The following CNTNAP2 variants were observed in gnomAD, a reference collection of about 807,000 sequenced individuals.
CNTNAP2 encodes the protein contactin associated protein 2, also known as contactin-associated protein-like 2.
A neutral mutation model predicts 155.2 loss-of-function variants in CNTNAP2; 98 were observed. The observed-to-expected ratio is 0.63, with a 90% CI of 0.54 to 0.75. CNTNAP2 has a LOEUF of 0.75. Ranked by LOEUF, CNTNAP2 falls within the 30% of genes least tolerant of loss-of-function variation. The probability of loss-of-function intolerance (pLI) is 0.00; values close to 1 mark genes in which losing one functional copy is unlikely to be tolerated. For synonymous variants in CNTNAP2, 651 were observed against 631.2 expected, an observed-to-expected ratio of 1.03 and a Z score of -0.47; for missense variants, 1,727 against 1,688.1, an observed-to-expected ratio of 1.02 and a Z score of -0.40.
intron 2 of CNTNAP2, among the ~76,000 whole-genome samples, chr7:146,816,479 G>A (rs1338935527): frequency 6.6e-6 from 1 of 152,198 alleles, no homozygotes; most frequent in African/African-American, 2.4e-5. Flanking sequence ...GCCGGGAACA[G>A]TTGGCCATCC....
In CNTNAP2 at chr7:146,702,144, C is replaced by T. The variant is rs576139453; in HGVS notation, c.98-72127C>T. 7.9e-5 allele frequency among the ~76,000 whole-genome samples: 12 copies of T among 152,202 alleles called. 1 individual carries two copies. In the South Asian group the frequency reaches 2.1e-3, roughly 26 times the overall value. ...TTTTCCTGAAAGCAAGTCTTAGGGA[C>T]AGCACTAAAGTTGGTATCCATTTAA... On this transcript the variant is annotated intron_variant, in intron 1 of 23. Transcript: ENST00000361727.
intron 22 of CNTNAP2, among the ~76,000 whole-genome samples, chr7:148,407,661 G>C (rs968357272): frequency 2.9e-5 from 4 of 139,888 alleles, no homozygotes; most frequent in African/African-American, 1.1e-4. Context: ...CCATGATTGT[G>C]CCACTGCACT....
chr7:146,999,302 C>T (rs1293794817), intron 3 of CNTNAP2, among the ~76,000 whole-genome samples: 1 of 149,830 alleles, frequency 6.7e-6, no homozygotes, highest in African/African-American at 2.4e-5. Flanking sequence ...CTCGACTCCT[C>T]CCTAACAGTT....
chr7:146,372,500 A>G (rs1231826591), intron 1 of CNTNAP2, among the ~76,000 whole-genome samples: 2 of 152,344 alleles, frequency 1.3e-5, no homozygotes, highest in Non-Finnish European at 2.9e-5. Context: ...TTACATGAAC[A>G]AATAAAAGTT....
chr7:147,203,479 G>A (rs969566199), intron 8 of CNTNAP2, among the ~76,000 whole-genome samples: 4 of 152,066 alleles, frequency 2.6e-5, no homozygotes, highest in Admixed American at 6.5e-5. Context: ...TGATCCGCCC[G>A]CCTCGGCCTT....
At chr7:147,091,390 TTGGAA>T (rs1800400109) in intron 4 of CNTNAP2, among the ~76,000 whole-genome samples, 1 of 152,056 alleles carries the variant, frequency 6.6e-6, no homozygotes, top group African/African-American at 2.4e-5. Flanking sequence ...GTGCCAACCC[TTGGAA>T]TGAAGGCATG....
intron 8 of CNTNAP2, among the ~76,000 whole-genome samples, chr7:147,264,083 G>A (rs2116691057): frequency 6.6e-6 from 1 of 152,262 alleles, no homozygotes; most frequent in Non-Finnish European, 1.5e-5. Context: ...CTATTTATAT[G>A]ACAGTGACAA....
At chr7:147,365,383 G>GAAAAAAAAAAAAAAAAAA (rs10557373) in intron 9 of CNTNAP2, among the ~76,000 whole-genome samples, 1 of 93,638 alleles carries the variant, frequency 1.1e-5, no homozygotes, top group Non-Finnish European at 2.0e-5. Context: ...ATCTCAAAAA[G>GAAAAAAAAAAAAAAAAAA]AAAAAAAAAA....
rs115999392 is a variant in CNTNAP2 at position 147,134,529 on chromosome 7, A to T, written c.1348+2020A>T. Among the ~76,000 whole-genome samples the T allele has an allele frequency of 7.6e-3, 1,150 of 151,870 alleles. 19 individuals carry two copies. The highest frequency in any genetic ancestry group is 0.026 in the African/African-American group (1,066 of 41,478). ...TAAATATATATATATACAGACATAC[A>T]TACACACATACATACATAGTGGAAA... On this transcript the variant is annotated intron_variant, in intron 8 of 23. Coordinates refer to ENST00000361727, the MANE Select transcript of CNTNAP2 (RefSeq NM_014141.6).
intron 4 of CNTNAP2, among the ~76,000 whole-genome samples, chr7:147,044,734 A>G (rs370232600): frequency 6.6e-6 from 1 of 151,732 alleles, no homozygotes; most frequent in African/African-American, 2.4e-5. Context: ...ATTTTTGCAA[A>G]TGGTACTTGT....
chr7:147,294,918 C>A (rs990936087), intron 8 of CNTNAP2, among the ~76,000 whole-genome samples: 1 of 152,092 alleles, frequency 6.6e-6, no homozygotes, highest in African/African-American at 2.4e-5. Flanking sequence ...CCTCGGCCTC[C>A]CATAGTGCTG....
intron 9 of CNTNAP2, among the ~76,000 whole-genome samples, chr7:147,318,670 G>T (rs115059982): frequency 2.6e-5 from 4 of 151,874 alleles, no homozygotes; most frequent in African/African-American, 9.7e-5. Flanking sequence ...ATCGGGAGGT[G>T]GGGGGCAAGG....
At chr7:146,399,971 T>C (rs1046557261) in intron 1 of CNTNAP2, among the ~76,000 whole-genome samples, 3 of 152,144 alleles carry the variant, frequency 2.0e-5, no homozygotes, top group African/African-American at 7.2e-5. Flanking sequence ...ACTTATGGTG[T>C]CTTTCTGGGA....
At chr7:147,513,594 G>A (rs1184970167) in intron 11 of CNTNAP2, among the ~76,000 whole-genome samples, 2 of 152,220 alleles carry the variant, frequency 1.3e-5, no homozygotes, top group African/African-American at 4.8e-5. Flanking sequence ...TACACTCATA[G>A]AAATCAGTGA....
At chr7:147,052,277 A>G (rs1336442334) in intron 4 of CNTNAP2, among the ~76,000 whole-genome samples, 1 of 152,152 alleles carries the variant, frequency 6.6e-6, no homozygotes, top group Non-Finnish European at 1.5e-5. Flanking sequence ...CAACTGCAAG[A>G]TACTGGGAGG....
chr7:146,546,887 C>G (rs925049425), intron 1 of CNTNAP2, among the ~76,000 whole-genome samples: 1 of 151,906 alleles, frequency 6.6e-6, no homozygotes, highest in Admixed American at 6.6e-5. Flanking sequence ...CTGGGTCCCT[C>G]CCATGATTAT....
chr7:148,330,330 C>T (rs1797966820), intron 21 of CNTNAP2, among the ~76,000 whole-genome samples: 2 of 129,602 alleles, frequency 1.5e-5, no homozygotes, highest in African/African-American at 3.0e-5. Context: ...ATAGAGTGAA[C>T]AGATGGAATG....
intron 1 of CNTNAP2, among the ~76,000 whole-genome samples, chr7:146,473,748 AT>A (rs200311941): frequency 0.018 from 2,775 of 152,240 alleles, 50 homozygotes; most frequent in African/African-American, 0.045. Context: ...CCTATTTTGT[AT>A]GTTTTTCCCC....
At chr7:147,626,619 A>G (rs897434366) in intron 12 of CNTNAP2, among the ~76,000 whole-genome samples, 1 of 152,066 alleles carries the variant, frequency 6.6e-6, no homozygotes, top group Non-Finnish European at 1.5e-5. Context: ...TGAAATACTT[A>G]CCCTGGCCAA....
Sources: allele counts gnomAD v4.1 joint callset (sites outside exome capture counted in the v4.1 genomes callset), GRCh38; gene constraint gnomAD v4.1.1; transcripts MANE v1.5; gene names NCBI Gene and HGNC (gene_info 2026-07-23, HGNC 2026-07-21).